TAF6L: variants seen among roughly 807,000 people sequenced by gnomAD.
TAF6L encodes TATA-box binding protein associated factor 6 like, also known as TAF6-like RNA polymerase II p300/CBP-associated factor-associated factor 65 kDa subunit 6L.
In TAF6L, 34 loss-of-function variants were observed where a neutral mutation model predicts 57.3. The ratio of observed to expected loss-of-function variants is 0.59; its 90% CI spans 0.45 to 0.79. TAF6L has a LOEUF of 0.79. Among genes scored for constraint, TAF6L ranks in the 30% least tolerant of loss-of-function variants. The pLI, the probability that TAF6L is intolerant of heterozygous loss-of-function variation, is 0.00. For synonymous variants in TAF6L, 417 were observed against 376.3 expected, an observed-to-expected ratio of 1.11 and a Z score of -1.25; for missense variants, 782 against 853.2, an observed-to-expected ratio of 0.92 and a Z score of 1.04.
rs184847041 is a variant in TAF6L, at chr11:62,785,749, G to A, written c.961-511G>A. ...GGGGTTTCACCATCTTGGCCAAGCTGGTCTTGAACTCCTGACCTCAGGTGA... is the reference window on the plus strand; with the variant it reads ...GGGGTTTCACCATCTTGGCCAAGCTAGTCTTGAACTCCTGACCTCAGGTGA... On this transcript the variant is annotated intron_variant, in intron 9 of 10. Coordinates refer to ENST00000294168, the MANE Select transcript of TAF6L (RefSeq NM_006473.4). Among the ~76,000 whole-genome samples the A allele has an allele frequency of 6.1e-5, 9 of 147,286 alleles. No individual in the cohort carries two copies. In the Admixed American group the frequency reaches 6.2e-4, roughly 10 times the overall value.
At chr11:62,779,542 T>G (rs2084211690) in intron 6 of TAF6L, among the ~76,000 whole-genome samples, 1 of 152,042 alleles carries the variant, frequency 6.6e-6, no homozygotes, top group African/African-American at 2.4e-5. Context: ...GTCAGACTGG[T>G]CTCGAACTCC....
chr11:62,782,989 A>G (rs2084241530), intron 9 of TAF6L, among the ~76,000 whole-genome samples, 164 bp downstream of exon 9: 1 of 152,216 alleles, frequency 6.6e-6, no homozygotes, highest in Non-Finnish European at 1.5e-5. Context: ...CTGAATGTAA[A>G]TGTCTTATCC....
At position 62,778,019 on chromosome 11, in the gene TAF6L, C is replaced by T; in HGVS notation, c.276C>T (p.Arg92=). 6.2e-7 allele frequency: 1 copy of T among 1,614,210 alleles called. No individual in the cohort carries two copies. The highest frequency in any genetic ancestry group is 8.5e-7 in the Non-Finnish European group (1 of 1,180,038). ...GYGSQEALPM[R]PAREGELYFP... ...GATCACAGGAGGCACTGCCCATGCG[C>T]CCCGCCAGGGAGGGTGAACTCTACT... The change falls in exon 4 of 11, where the codon CGC becomes CGT. Residue 92 remains arginine, a synonymous_variant. Coordinates refer to ENST00000294168, the MANE Select transcript of TAF6L (RefSeq NM_006473.4).
At chr11:62,781,432 G>C (rs1261683797) in intron 6 of TAF6L, among the ~76,000 whole-genome samples, 2 of 152,096 alleles carry the variant, frequency 1.3e-5, no homozygotes, top group East Asian at 3.9e-4. Context: ...CCAGCACTTT[G>C]GGAGGCTGAG....
intron 9 of TAF6L, among the ~76,000 whole-genome samples, chr11:62,784,284 T>G (rs1482079961): frequency 2.3e-4 from 32 of 141,626 alleles, no homozygotes; most frequent in Admixed American, 2.2e-3. Flanking sequence ...CACCGGTGCC[T>G]GGCCATATAT....
At chr11:62,775,961 A>G (rs746056463) in intron 2 of TAF6L, 31 bp downstream of exon 2, 10 of 1,574,208 alleles carry the variant, frequency 6.4e-6, no homozygotes, top group South Asian at 1.2e-5. Context: ...GATACCTCCA[A>G]CTTTCCTTGT....
intron 9 of TAF6L, among the ~76,000 whole-genome samples, chr11:62,785,320 T>G: frequency 6.6e-6 from 1 of 151,456 alleles, no homozygotes; most frequent in Non-Finnish European, 1.5e-5. Context: ...GCCTCCCGAG[T>G]AGCTGGGATT....
chr11:62,779,470 C>T (rs886454859), intron 6 of TAF6L, among the ~76,000 whole-genome samples: 1 of 151,944 alleles, frequency 6.6e-6, no homozygotes, highest in Non-Finnish European at 1.5e-5. Context: ...GCTGGGATTA[C>T]AAGTGTGAGC....
At chr11:62,777,146 CA>C (rs1236455874) in intron 3 of TAF6L, among the ~76,000 whole-genome samples, 74 of 134,690 alleles carry the variant, frequency 5.5e-4, no homozygotes, top group African/African-American at 1.0e-3. Context: ...GACTCCATGT[CA>C]AAAAAAAAAA....
intron 6 of TAF6L, among the ~76,000 whole-genome samples, chr11:62,780,712 G>A (rs931972706): frequency 6.9e-6 from 1 of 144,708 alleles, no homozygotes; most frequent in East Asian, 2.1e-4. Context: ...GGTGGATCAT[G>A]TGAGGCCGGG....
chr11:62,777,851 T>G, intron 3 of TAF6L, 127 bp from the exon 4 acceptor site: 1 of 1,174,170 alleles, frequency 8.5e-7, no homozygotes, highest in Non-Finnish European at 1.2e-6. Context: ...TTCCACCACT[T>G]TTCTTGGGAC....
Position 62,778,942 on chromosome 11 carries a change from G to C in TAF6L, c.510G>C (p.Gly170=). ...YYHQVTRAVL[G]DDPQLMKVAL... ...ACCAGGTGACTCGTGCTGTGCTAGG[G>C]GATGATCCGCAACTGATGAAGGTGA... The change falls in exon 6 of 11, where the codon GGG becomes GGC. Residue 170 remains glycine, a synonymous_variant. Transcript: ENST00000294168. 6.2e-7 allele frequency: 1 copy of C among 1,614,124 alleles called. No individual in the cohort carries two copies. The highest frequency in any genetic ancestry group is 1.7e-5 in the Admixed American group (1 of 60,012).
At chr11:62,778,435 T>A in intron 5 of TAF6L, 100 bp downstream of exon 5, 1 of 1,403,168 alleles carries the variant, frequency 7.1e-7, no homozygotes, top group Non-Finnish European at 1.0e-6. Flanking sequence ...TAACATGTGT[T>A]TACCCATGCC....
rs753689322 is a variant in TAF6L, at chr11:62,775,867, G to C, written c.84G>C (p.Leu28=). The C allele has an allele frequency of 1.8e-5, 29 of 1,613,892 alleles. No homozygotes were observed. Among genetic ancestry groups the C allele is most frequent in the Non-Finnish European group, 2.4e-5 (28 of 1,180,032 alleles). ...RLMAESTGLE[L]SDEVAALLAE... ...TGGCGGAGAGCACGGGCCTGGAGCT[G>C]AGCGATGAGGTGGCGGCGCTGCTCG... The change falls in exon 2 of 11, where the codon CTG becomes CTC. Residue 28 remains leucine, a synonymous_variant. Transcript: ENST00000294168.
intron 5 of TAF6L, 186 bp from the exon 6 acceptor site, chr11:62,778,683 G>A (rs1394620010): frequency 1.6e-6 from 1 of 625,268 alleles, no homozygotes; most frequent in African/African-American, 1.8e-5. Context: ...ACAGAGCACA[G>A]AGGTGTGCAG....
At chr11:62,783,167 C>G (rs1007363184) in intron 9 of TAF6L, among the ~76,000 whole-genome samples, 16 of 152,192 alleles carry the variant, frequency 1.1e-4, no homozygotes, top group African/African-American at 3.9e-4. Flanking sequence ...TAGAAATTAT[C>G]AAATGATTAT....
chr11:62,786,215 T>C, intron 9 of TAF6L, 45 bp from the exon 10 acceptor site: 3 of 1,582,158 alleles, frequency 1.9e-6, no homozygotes, highest in Non-Finnish European at 1.7e-6. Flanking sequence ...TGAGAGGGAA[T>C]AAGTATCAAA....
chr11:62,777,978 G>C lies in TAF6L; in HGVS notation c.235G>C (p.Ala79Pro), dbSNP rs748921322. 6.2e-7 allele frequency: 1 copy of C among 1,613,766 alleles called. No individual in the cohort carries two copies. The highest frequency in any genetic ancestry group is 2.2e-5 in the East Asian group (1 of 44,890). ...NRALRWSSVEAVCGYGSQEAL... is the reference protein window; with the variant it reads ...NRALRWSSVEPVCGYGSQEAL... ...GCTCTCCAATTCCCTTTTTCCTCAG[G>C]CTGTGTGTGGTTACGGATCACAGGA... The change falls in exon 4 of 11, where the codon GCT becomes CCT. Residue 79 changes from alanine to proline, a missense_variant and splice_region_variant. Ala to Pro is a conservative substitution (Grantham distance 27). Coordinates refer to ENST00000294168, the MANE Select transcript of TAF6L (RefSeq NM_006473.4).
intron 1 of TAF6L, chr11:62,772,190 T>G: frequency 2.2e-6 from 1 of 455,594 alleles, no homozygotes; most frequent in South Asian, 1.6e-5. Context: ...AGTGAAGTAA[T>G]CCATATAAAG....
Sources: gnomAD v4.1 joint callset for allele counts (sites outside exome capture counted in the v4.1 genomes callset) on GRCh38, gnomAD v4.1.1 for gene constraint, MANE v1.5 for transcripts, NCBI Gene and HGNC (gene_info 2026-07-23, HGNC 2026-07-21) for gene names.